The following DCAF8L2 variants were observed in gnomAD, a reference collection of about 807,000 sequenced individuals.
The protein encoded by DCAF8L2 is DDB1 and CUL4 associated factor 8 like 2.
For synonymous variants in DCAF8L2, 200 were observed against 190.9 expected, an observed-to-expected ratio of 1.05 and a Z score of -0.39; for missense variants, 430 against 490.7, an observed-to-expected ratio of 0.88 and a Z score of 1.17.
chrX:27,587,985 A>AAAATATAT, upstream of DCAF8L2, among the ~76,000 whole-genome samples: 3 of 22,371 alleles, frequency 1.3e-4, no homozygotes, highest in Admixed American at 6.3e-4. Context: ...TAAAAAAAAA[A>AAAATATAT]ATATATATAT....
chrX:27,549,118 G>T, the DCAF8L2 span, among the ~76,000 whole-genome samples: 2 of 111,570 alleles, frequency 1.8e-5, no homozygotes, highest in Non-Finnish European at 3.8e-5. Context: ...TTTTATTGTA[G>T]AATCAGTAGG....
chrX:27,584,294 A>T, the DCAF8L2 span, among the ~76,000 whole-genome samples: 1 of 110,751 alleles, frequency 9.0e-6, no homozygotes, highest in African/African-American at 3.3e-5. Context: ...AAGTCTGTTT[A>T]TACACACACA....
At chrX:27,569,181 A>G in the DCAF8L2 span, among the ~76,000 whole-genome samples, 1 of 111,350 alleles carries the variant, frequency 9.0e-6, no homozygotes, top group Admixed American at 9.6e-5. Context: ...TACTACCAAT[A>G]GTTCAAACCA....
the DCAF8L2 span, among the ~76,000 whole-genome samples, chrX:27,510,655 T>C: frequency 2.7e-5 from 3 of 109,858 alleles, no homozygotes; most frequent in Non-Finnish European, 3.8e-5. Context: ...GTAAGCTATA[T>C]ACCTGTCTAC....
chrX:27,641,897 T>A (rs1188654893), intron 2 of DCAF8L2, among the ~76,000 whole-genome samples: 1 of 108,616 alleles, frequency 9.2e-6, no homozygotes, highest in African/African-American at 3.3e-5. Context: ...TTTTTTTAAA[T>A]TTTTTTTTTG....
chrX:27,538,209 C>T, the DCAF8L2 span, among the ~76,000 whole-genome samples: 1 of 110,985 alleles, frequency 9.0e-6, no homozygotes, highest in East Asian at 2.8e-4. Context: ...ATTTGTCATG[C>T]AGAAATTCTG....
At chrX:27,583,656 A>T in the DCAF8L2 span, among the ~76,000 whole-genome samples, 1 of 110,599 alleles carries the variant, frequency 9.0e-6, no homozygotes, top group African/African-American at 3.3e-5. Flanking sequence ...TACTGCCTGA[A>T]CTCCACCTCC....
At chrX:27,588,693 G>C (rs1234277774), upstream of DCAF8L2, among the ~76,000 whole-genome samples, 14 of 110,440 alleles carry the variant, frequency 1.3e-4, no homozygotes, top group African/African-American at 4.6e-4. Context: ...TGTGAGACCA[G>C]TAGAAAAAGG....
chrX:27,652,288 G>A (rs1464868340), intron 2 of DCAF8L2, among the ~76,000 whole-genome samples: 1 of 111,461 alleles, frequency 9.0e-6, no homozygotes, highest in African/African-American at 3.3e-5. Context: ...GGAAAACATG[G>A]TTCATACAGC....
At chrX:27,566,124 C>G in the DCAF8L2 span, among the ~76,000 whole-genome samples, 1 of 109,631 alleles carries the variant, frequency 9.1e-6, no homozygotes, top group Non-Finnish European at 1.9e-5. Context: ...ACTCCCGCCC[C>G]CCCGACCCTG....
At chrX:27,729,494 GC>G (rs1405416006) in intron 4 of DCAF8L2, among the ~76,000 whole-genome samples, 2 of 111,296 alleles carry the variant, frequency 1.8e-5, no homozygotes, top group African/African-American at 6.5e-5. Context: ...AGTCCATTTG[GC>G]CTGCTGTAGC....
At chrX:27,541,932 G>A in the DCAF8L2 span, among the ~76,000 whole-genome samples, 3 of 111,538 alleles carry the variant, frequency 2.7e-5, no homozygotes, top group African/African-American at 6.5e-5. Flanking sequence ...ACTTACAAAT[G>A]AGAACATGTG....
chrX:27,717,629 G>C (rs1385968396), intron 4 of DCAF8L2, among the ~76,000 whole-genome samples: 1 of 112,050 alleles, frequency 8.9e-6, no homozygotes, highest in Non-Finnish European at 1.9e-5. Flanking sequence ...CTGGATATTA[G>C]ACCTTTGTCA....
the DCAF8L2 span, among the ~76,000 whole-genome samples, chrX:27,574,451 C>G: frequency 8.9e-6 from 1 of 112,139 alleles, no homozygotes; most frequent in Non-Finnish European, 1.9e-5. Flanking sequence ...AACATGTCTT[C>G]CTGTTACATT....
chrX:27,541,366 T>G, the DCAF8L2 span, among the ~76,000 whole-genome samples: 1 of 105,968 alleles, frequency 9.4e-6, no homozygotes, highest in African/African-American at 3.4e-5. Context: ...TTTATTTATT[T>G]ATTTATTTAT....
chrX:27,595,825 TG>T (rs755446870), intron 1 of DCAF8L2, among the ~76,000 whole-genome samples: 2 of 110,218 alleles, frequency 1.8e-5, no homozygotes, highest in East Asian at 5.9e-4. Context: ...CTGGCCAACA[TG>T]GTGAAACACC....
At chrX:27,494,970 A>C in the DCAF8L2 span, among the ~76,000 whole-genome samples, 1 of 111,760 alleles carries the variant, frequency 8.9e-6, no homozygotes, top group African/African-American at 3.3e-5. Context: ...GTGTTTTGTA[A>C]GAAATCATTG....
chrX:27,500,788 C>T, the DCAF8L2 span, among the ~76,000 whole-genome samples: 1 of 111,632 alleles, frequency 9.0e-6, no homozygotes, highest in East Asian at 2.8e-4. Flanking sequence ...ACATACATAC[C>T]AGGCTAGCTT....
chrX:27,628,977 A>T (rs1928172336), intron 1 of DCAF8L2, among the ~76,000 whole-genome samples: 1 of 111,150 alleles, frequency 9.0e-6, no homozygotes, highest in South Asian at 3.7e-4. Flanking sequence ...AATGATGTTG[A>T]TTACCTTCTC....
Sources: allele counts gnomAD v4.1 joint callset (sites outside exome capture counted in the v4.1 genomes callset), GRCh38; gene constraint gnomAD v4.1.1; transcripts MANE v1.5; gene names NCBI Gene and HGNC (gene_info 2026-07-23, HGNC 2026-07-21).